The following KICS2 variants were observed in gnomAD, a reference collection of about 807,000 sequenced individuals.
KICS2 encodes the protein KICSTOR subunit 2.
In KICS2, 13 loss-of-function variants were observed where a neutral mutation model predicts 31.4. The observed-to-expected ratio is 0.41, with a 90% CI of 0.27 to 0.66. The LOEUF (loss-of-function observed/expected upper bound fraction) is 0.66. KICS2 is among the 30% of genes least tolerant of loss of function. The pLI, the probability that KICS2 is intolerant of heterozygous loss-of-function variation, is 0.28. For missense variants in KICS2, 455 were observed against 545.4 expected, an observed-to-expected ratio of 0.83 and a Z score of 1.65; for synonymous variants, 209 against 214.8, an observed-to-expected ratio of 0.97 and a Z score of 0.24.
chr12:64,204,396 C>CA lies in KICS2; in HGVS notation c.522-9739dup, dbSNP rs547434933. Reference sequence around the variant, plus strand: ...TAAAGTAAAAAAATATATAAATACACAAAAAATCAGAAAGATAAACCAGAT... The same window carrying CA: ...TAAAGTAAAAAAATATATAAATACACAAAAAAATCAGAAAGATAAACCAGAT... On this transcript the variant is annotated intron_variant, in intron 2 of 2. Transcript: ENST00000398055. Among the ~76,000 whole-genome samples the CA allele has an allele frequency of 6.3e-3, 961 of 152,244 alleles. 14 individuals carry two copies. Among genetic ancestry groups the CA allele is most frequent in the African/African-American group, 0.021 (889 of 41,560 alleles).
At position 64,191,867 on chromosome 12, in the gene KICS2, G is replaced by C. The variant is rs1301378005; in HGVS notation, c.*1975C>G. The C allele has an allele frequency of 6.6e-6, 1 of 151,990 alleles. No individual in the cohort carries two copies. Among genetic ancestry groups the C allele is most frequent in the African/African-American group, 2.4e-5 (1 of 41,392 alleles). 9.4% of individuals were successfully genotyped at this position (151,990 alleles called of 1,614,324 possible). A position where few individuals can be genotyped will look rare whatever the true frequency, so the allele number is the denominator to read the frequency against. ...AGGCGGGAGGCTCATGTGAGTCCAG[G>C]AGTTTGAGTCCAGCCCGAGCAACAT... On this transcript the variant is annotated 3_prime_UTR_variant, in exon 3 of 3. Coordinates refer to ENST00000398055, the MANE Select transcript of KICS2 (RefSeq NM_152440.5).
At position 64,215,222 on chromosome 12, in the gene KICS2, G is replaced by C. The variant is rs548507256; in HGVS notation, c.521+456C>G. On this transcript the variant is annotated intron_variant, in intron 2 of 2. Transcript: ENST00000398055. Reference sequence around the variant, plus strand: ...AGCTACTCAGGAGGCTGAGGCAGGAGAATTGCTTGAACCCAGGAGGTGGAG... The same window carrying C: ...AGCTACTCAGGAGGCTGAGGCAGGACAATTGCTTGAACCCAGGAGGTGGAG... Among the ~76,000 whole-genome samples, 15 of 152,078 alleles carry C rather than the reference G, an allele frequency of 9.9e-5. No individual in the cohort carries two copies. In the East Asian group the frequency reaches 2.9e-3, roughly 29 times the overall value.
At chr12:64,220,940 GT>G (rs1271471869) in intron 1 of KICS2, among the ~76,000 whole-genome samples, 5 of 152,094 alleles carry the variant, frequency 3.3e-5, no homozygotes, top group African/African-American at 1.2e-4. Flanking sequence ...TATCTGACCA[GT>G]TTTTGCTAAT....
At chr12:64,214,921 A>C (rs966078821) in intron 2 of KICS2, among the ~76,000 whole-genome samples, 3 of 152,228 alleles carry the variant, frequency 2.0e-5, no homozygotes, top group African/African-American at 7.2e-5. Context: ...AACACATGTT[A>C]AAGAATGGCT....
At chr12:64,220,407 A>T (rs1225257288) in intron 1 of KICS2, among the ~76,000 whole-genome samples, 3 of 152,202 alleles carry the variant, frequency 2.0e-5, no homozygotes, top group Non-Finnish European at 2.9e-5. Flanking sequence ...AGATTTTTTT[A>T]AATGGAGTCA....
chr12:64,206,837 G>A (rs1410671979), intron 2 of KICS2, among the ~76,000 whole-genome samples: 1 of 152,146 alleles, frequency 6.6e-6, no homozygotes, highest in East Asian at 1.9e-4. Context: ...ATCCAGAGTA[G>A]TCAAACTCAT....
chr12:64,217,086 T>C (rs944371430), intron 1 of KICS2, among the ~76,000 whole-genome samples: 12 of 152,228 alleles, frequency 7.9e-5, no homozygotes, highest in African/African-American at 1.7e-4. Flanking sequence ...TTTTACAATA[T>C]TGATTTTAAT....
At chr12:64,218,089 A>G (rs1161310402) in intron 1 of KICS2, among the ~76,000 whole-genome samples, 1 of 152,194 alleles carries the variant, frequency 6.6e-6, no homozygotes, top group African/African-American at 2.4e-5. Context: ...AATACAATTA[A>G]AGTCCATATG....
At chr12:64,217,009 T>C (rs548567564) in intron 1 of KICS2, among the ~76,000 whole-genome samples, 42 of 152,352 alleles carry the variant, frequency 2.8e-4, no homozygotes, top group African/African-American at 9.9e-4. Context: ...ATTCTAAACA[T>C]ATACCTGTAA....
At chr12:64,205,139 G>T (rs778018899) in intron 2 of KICS2, among the ~76,000 whole-genome samples, 10 of 152,128 alleles carry the variant, frequency 6.6e-5, no homozygotes, top group Admixed American at 2.0e-4. Flanking sequence ...GAAAATTCTA[G>T]TACAAATAAC....
At position 64,192,748 on chromosome 12, in the gene KICS2, G is replaced by A. The variant is rs1252184341; in HGVS notation, c.*1094C>T. ...CTACTTCCCATGAACACCTGCCGAA[G>A]GAAAGAAATAAGGCAGCATGTGCTA... On this transcript the variant is annotated 3_prime_UTR_variant, in exon 3 of 3. Transcript: ENST00000398055. The A allele has an allele frequency of 5.1e-6, 5 of 985,314 alleles. No individual in the cohort carries two copies. The highest frequency in any genetic ancestry group is 3.5e-5 in the African/African-American group (2 of 57,234). The allele number at this position is 985,314 out of a possible 1,614,324, so 61.0% of individuals were successfully genotyped here. A position where few individuals can be genotyped will look rare whatever the true frequency, so the allele number is the denominator to read the frequency against.
intron 1 of KICS2, 45 bp downstream of exon 1, chr12:64,221,958 C>A: frequency 1.3e-6 from 2 of 1,575,010 alleles, no homozygotes; most frequent in African/African-American, 1.4e-5. Context: ...GAATATACCC[C>A]CTTTACTTCC....
chr12:64,196,880 C>T (rs1189246988), intron 2 of KICS2, among the ~76,000 whole-genome samples: 69 of 149,626 alleles, frequency 4.6e-4, no homozygotes, highest in African/African-American at 1.6e-3. Flanking sequence ...TGAAATGAAG[C>T]GAGAAGGGAA....
Position 64,194,671 on chromosome 12 carries a change from G to C in KICS2, c.522-13C>G, listed in dbSNP as rs768565313. ...TGGGTGGTGAAATCTAAAGGGGAGA[G>C]GGAAATAGAGATAAGTGGAAATGTT... is the stretch of plus-strand genomic sequence containing the variant. On this transcript the variant is annotated splice_polypyrimidine_tract_variant and intron_variant, in intron 2 of 2. Coordinates refer to ENST00000398055, the MANE Select transcript of KICS2 (RefSeq NM_152440.5). 3 of 1,586,234 alleles carry C rather than the reference G, an allele frequency of 1.9e-6. No homozygotes were observed. Among genetic ancestry groups the C allele is most frequent in the Admixed American group, 3.6e-5 (2 of 55,710 alleles).
downstream of KICS2, among the ~76,000 whole-genome samples, chr12:64,187,901 GT>G (rs1465192296): frequency 1.8e-4 from 27 of 152,266 alleles, no homozygotes; most frequent in African/African-American, 6.0e-4. Flanking sequence ...AAAGATTTTA[GT>G]TTTGAGTAAC....
At chr12:64,206,958 C>T (rs2037543797) in intron 2 of KICS2, among the ~76,000 whole-genome samples, 1 of 151,980 alleles carries the variant, frequency 6.6e-6, no homozygotes, top group South Asian at 2.1e-4. Context: ...AGATCTACTA[C>T]AAAAGACTGT....
downstream of KICS2, among the ~76,000 whole-genome samples, chr12:64,189,393 T>C (rs1435853521): frequency 2.0e-5 from 3 of 152,160 alleles, no homozygotes; most frequent in South Asian, 2.1e-4. Flanking sequence ...TAATAAAATA[T>C]ACAACACCAC....
At chr12:64,196,617 T>A (rs1242295398) in intron 2 of KICS2, among the ~76,000 whole-genome samples, 1 of 151,244 alleles carries the variant, frequency 6.6e-6, no homozygotes, top group Non-Finnish European at 1.5e-5. Context: ...TTTGACGAGC[T>A]GAGAGAAGAA....
At position 64,192,866 on chromosome 12, in the gene KICS2, T is replaced by A; in HGVS notation, c.*976A>T. On this transcript the variant is annotated 3_prime_UTR_variant, in exon 3 of 3. Transcript: ENST00000398055. ...AAGTACTGAGGTGATTACTCAACTA[T>A]GAAGAGGTCTTTCAAGCGCACAGTT... is the stretch of plus-strand genomic sequence containing the variant. 1 of 985,454 alleles carries A rather than the reference T, an allele frequency of 1.0e-6. No homozygotes were observed. Among genetic ancestry groups the A allele is most frequent in the African/African-American group, 1.7e-5 (1 of 57,360 alleles). The allele number at this position is 985,454 out of a possible 1,614,324, so 61.0% of individuals were successfully genotyped here.
Sources: gnomAD v4.1 joint callset for allele counts (sites outside exome capture counted in the v4.1 genomes callset) on GRCh38, gnomAD v4.1.1 for gene constraint, MANE v1.5 for transcripts, NCBI Gene and HGNC (gene_info 2026-07-23, HGNC 2026-07-21) for gene names.